PHKB: variants seen among roughly 807,000 people sequenced by gnomAD.
The protein encoded by PHKB is phosphorylase b kinase regulatory subunit beta.
In PHKB, 122 loss-of-function variants were observed where a neutral mutation model predicts 152.1. The ratio of observed to expected loss-of-function variants is 0.80; its 90% CI spans 0.69 to 0.93. PHKB has a LOEUF of 0.93. PHKB is among the 40% of genes least tolerant of loss of function. PHKB has a pLI of 0.00. For synonymous variants in PHKB, 436 were observed against 464.9 expected (o/e 0.94, Z 0.80); for missense variants, 1,304 against 1,328.4 (o/e 0.98, Z 0.29).
At chr16:47,649,229 A>G in intron 18 of PHKB, 25 bp downstream of exon 18, 1 of 1,189,320 alleles carries the variant, frequency 8.4e-7, no homozygotes, top group Non-Finnish European at 1.3e-6. Flanking sequence ...CCTTTCTTAA[A>G]AATGGAATGA....
chr16:47,661,970 G>A (rs947158719), intron 23 of PHKB, among the ~76,000 whole-genome samples, 170 bp downstream of exon 23: 1 of 152,146 alleles, frequency 6.6e-6, no homozygotes, highest in East Asian at 1.9e-4. Flanking sequence ...TAGAGTGGAG[G>A]AGACTGATGT....
At chr16:47,550,079 C>G (rs1215537374) in intron 7 of PHKB, among the ~76,000 whole-genome samples, 1 of 152,116 alleles carries the variant, frequency 6.6e-6, no homozygotes, top group Non-Finnish European at 1.5e-5. Flanking sequence ...AGAACTTTAA[C>G]CTTAATTTTT....
At chr16:47,620,960 T>C (rs1390342229) in intron 14 of PHKB, among the ~76,000 whole-genome samples, 2 of 152,088 alleles carry the variant, frequency 1.3e-5, no homozygotes, top group Non-Finnish European at 2.9e-5. Context: ...TGGTATAAAG[T>C]GTAAAGAATT....
At chr16:47,511,037 G>C (rs1337078492) in intron 4 of PHKB, among the ~76,000 whole-genome samples, 1 of 152,112 alleles carries the variant, frequency 6.6e-6, no homozygotes, top group Non-Finnish European at 1.5e-5. Context: ...TTTTCTGTTG[G>C]ATTATTTAGG....
intron 1 of PHKB, chr16:47,464,240 A>G: frequency 1.9e-6 from 1 of 522,898 alleles, no homozygotes; most frequent in East Asian, 3.4e-5. Flanking sequence ...AAGCAGAGGC[A>G]GTTCCTTAGT....
At chr16:47,499,976 T>G in intron 3 of PHKB, 82 bp downstream of exon 3, 1 of 1,520,974 alleles carries the variant, frequency 6.6e-7, no homozygotes, top group African/African-American at 1.4e-5. Flanking sequence ...AGCCGCTATC[T>G]TTTGGCTCTG....
At chr16:47,678,693 G>A (rs1443214494) in intron 26 of PHKB, among the ~76,000 whole-genome samples, 80 of 151,806 alleles carry the variant, frequency 5.3e-4, no homozygotes, top group Non-Finnish European at 1.0e-3. Context: ...TGAGTAGGTT[G>A]CAAAAATTTT....
chr16:47,557,715 A>T (rs1392274789), intron 7 of PHKB, among the ~76,000 whole-genome samples: 2 of 152,218 alleles, frequency 1.3e-5, no homozygotes, highest in East Asian at 3.8e-4. Context: ...AATGGCGATC[A>T]TTAAAAAGTC....
At chr16:47,463,614 A>G (rs1969614745) in intron 1 of PHKB, 2 of 362,490 alleles carry the variant, frequency 5.5e-6, no homozygotes, top group South Asian at 4.9e-5. Context: ...GCATTGTTAC[A>G]TAGTAGCATA....
chr16:47,546,792 A>G (rs1374707074), intron 6 of PHKB, among the ~76,000 whole-genome samples: 1 of 151,204 alleles, frequency 6.6e-6, no homozygotes, highest in African/African-American at 2.4e-5. Context: ...TTGTTTACCT[A>G]CTCAAGCCTC....
At chr16:47,523,896 A>G (rs990349933) in intron 6 of PHKB, among the ~76,000 whole-genome samples, 2 of 152,122 alleles carry the variant, frequency 1.3e-5, no homozygotes, top group African/African-American at 4.8e-5. Context: ...TAAGATGGTG[A>G]TTTGGGGGAG....
intron 7 of PHKB, among the ~76,000 whole-genome samples, chr16:47,568,735 C>G (rs1222328185): frequency 4.6e-5 from 7 of 152,074 alleles, no homozygotes; most frequent in African/African-American, 1.7e-4. Flanking sequence ...TGTTATTATT[C>G]ATTTCAAAAT....
intron 1 of PHKB, among the ~76,000 whole-genome samples, chr16:47,487,393 A>G (rs1970066510): frequency 6.8e-6 from 1 of 148,070 alleles, no homozygotes; most frequent in Non-Finnish European, 1.5e-5. Context: ...ACCAAATGTT[A>G]TATTATTAGG....
intron 8 of PHKB, among the ~76,000 whole-genome samples, chr16:47,582,713 T>C (rs1971868541): frequency 6.6e-6 from 1 of 152,236 alleles, no homozygotes; most frequent in Admixed American, 6.5e-5. Context: ...CTATTTCCAG[T>C]GGAGCTATGC....
chr16:47,580,315 C>T lies in PHKB; in HGVS notation c.731C>T (p.Ala244Val). 1 of 1,612,792 alleles carries T rather than the reference C, an allele frequency of 6.2e-7. No homozygotes were observed. The highest frequency in any genetic ancestry group is 8.5e-7 in the Non-Finnish European group (1 of 1,179,064). Residue 244 changes from alanine to valine, a missense_variant, in exon 8 of 31, where the codon GCA becomes GTA. Coordinates refer to ENST00000323584, the MANE Select transcript of PHKB (RefSeq NM_000293.3). ...LHSSSVGLAKAALEAINGFNL... is the reference protein window; with the variant it reads ...LHSSSVGLAKVALEAINGFNL... The stretch of plus-strand genomic sequence containing the variant: ...TTTAGCTCGGTTGGTTTAGCAAAAG[C>T]AGCTCTAGAAGCAATTAATGGATTC...
chr16:47,566,432 A>C (rs1971568239), intron 7 of PHKB: 1 of 1,609,284 alleles, frequency 6.2e-7, no homozygotes, highest in African/African-American at 1.3e-5. Context: ...CTTCATTGAG[A>C]CTCAGGGCAC....
intron 16 of PHKB, among the ~76,000 whole-genome samples, chr16:47,644,864 T>C (rs1446819971): frequency 1.3e-5 from 2 of 152,202 alleles, no homozygotes; most frequent in African/African-American, 2.4e-5. Context: ...CAAAGGTGCT[T>C]GTGAAATTTT....
intron 20 of PHKB, among the ~76,000 whole-genome samples, chr16:47,654,516 G>A (rs953794056): frequency 3.3e-5 from 5 of 151,982 alleles, no homozygotes; most frequent in Non-Finnish European, 5.9e-5. Flanking sequence ...TGTTTATTGC[G>A]ACACTATTCA....
chr16:47,640,951 T>G, intron 14 of PHKB, 84 bp from the exon 15 acceptor site: 2 of 1,257,672 alleles, frequency 1.6e-6, no homozygotes, highest in Non-Finnish European at 2.3e-6. Flanking sequence ...TTAGAGATGG[T>G]TAATATTGTC....
Sources: allele counts gnomAD v4.1 joint callset (sites outside exome capture counted in the v4.1 genomes callset), GRCh38; gene constraint gnomAD v4.1.1; transcripts MANE v1.5; gene names NCBI Gene and HGNC (gene_info 2026-07-23, HGNC 2026-07-21).